CAMTA1: variants seen among roughly 807,000 people sequenced by gnomAD.
CAMTA1 encodes the protein calmodulin-binding transcription activator 1.
Under a neutral mutation model 170.9 loss-of-function variants are expected in CAMTA1, and 27 were observed. That is an observed-to-expected ratio of 0.16 (90% CI 0.12 to 0.22). CAMTA1 has a LOEUF of 0.22. Ranked by LOEUF, CAMTA1 falls within the 10% of genes least tolerant of loss-of-function variation. The pLI is 1.00. For missense variants in CAMTA1, 1,619 were observed against 2,217.2 expected (o/e 0.73, Z 5.42); for synonymous variants, 833 against 891.5 (o/e 0.93, Z 1.17).
chr1:6,833,421 A>G (rs1280807873), intron 3 of CAMTA1, among the ~76,000 whole-genome samples: 1 of 152,244 alleles, frequency 6.6e-6, no homozygotes, highest in Non-Finnish European at 1.5e-5. Context: ...GCATTACATA[A>G]AAAGAAAATA....
chr1:6,839,876 T>C (rs1332782386), intron 3 of CAMTA1, among the ~76,000 whole-genome samples: 1 of 152,166 alleles, frequency 6.6e-6, no homozygotes, highest in Non-Finnish European at 1.5e-5. Flanking sequence ...AGGTAAGGGC[T>C]AGATCTTGTT....
rs939268449 is a variant in CAMTA1, at chr1:7,592,835, G to C, written c.511-47565G>C. On this transcript the variant is annotated intron_variant, in intron 6 of 22. Coordinates refer to ENST00000303635, the MANE Select transcript of CAMTA1 (RefSeq NM_015215.4). The surrounding 1 kb of genome is among the most constrained non-coding windows in gnomAD (Gnocchi z 4.6). ...CTCTATAACAGTAACAACAGTAATA[G>C]CTATGGCCATGTGTTAAACATTAGG... Among the ~76,000 whole-genome samples the C allele has an allele frequency of 6.6e-6, 1 of 152,164 alleles. No individual in the cohort carries two copies. The highest frequency in any genetic ancestry group is 1.5e-5 in the Non-Finnish European group (1 of 68,034).
chr1:6,889,794 G>A (rs1245712145), intron 3 of CAMTA1, among the ~76,000 whole-genome samples: 1 of 152,254 alleles, frequency 6.6e-6, no homozygotes, highest in South Asian at 2.1e-4. Context: ...AGGAGCACAT[G>A]CATCACTCTT....
chr1:7,728,907 C>T lies in CAMTA1; in HGVS notation c.2915-3541C>T, dbSNP rs563863359. Reference sequence around the variant, plus strand: ...GAGAACGGCCGTGTGCAGGTTACCCCACACAGTGTGTATTCAGAGTTACCT... The same window carrying T: ...GAGAACGGCCGTGTGCAGGTTACCCTACACAGTGTGTATTCAGAGTTACCT... On this transcript the variant is annotated intron_variant, in intron 11 of 22. Transcript: ENST00000303635. 1.8e-4 allele frequency among the ~76,000 whole-genome samples: 28 copies of T among 152,254 alleles called. 1 individual carries two copies. Among genetic ancestry groups the T allele is most frequent in the African/African-American group, 6.5e-4 (27 of 41,540 alleles).
chr1:6,820,429 C>G (rs544322283), intron 2 of CAMTA1, among the ~76,000 whole-genome samples, 179 bp downstream of exon 2: 4 of 152,290 alleles, frequency 2.6e-5, no homozygotes, highest in African/African-American at 9.6e-5. Flanking sequence ...AAAAAGAATG[C>G]TCTCCTCATA....
chr1:7,632,615 G>A (rs537898473), intron 6 of CAMTA1, among the ~76,000 whole-genome samples: 64 of 152,380 alleles, frequency 4.2e-4, no homozygotes, highest in African/African-American at 1.5e-3. Flanking sequence ...TTACTCCACA[G>A]AAAGGGGTCC....
intron 6 of CAMTA1, among the ~76,000 whole-genome samples, chr1:7,584,035 G>A (rs1205072198): frequency 4.6e-5 from 7 of 152,164 alleles, no homozygotes; most frequent in South Asian, 2.1e-4. Context: ...GGGGTGTCAC[G>A]GACATTCTGA....
At chr1:7,573,145 G>T (rs188556648) in intron 6 of CAMTA1, among the ~76,000 whole-genome samples, 91 of 152,344 alleles carry the variant, frequency 6.0e-4, no homozygotes, top group African/African-American at 1.9e-3. Context: ...AACAGGGTTA[G>T]CATGCTAAGG....
chr1:7,333,704 G>A lies in CAMTA1; in HGVS notation c.438+84078G>A, dbSNP rs2149759897. ...TCCAATAAGCATCCCGGTGATCTGT[G>A]TGCCTTGCAGGGGCGTGGAGCCTGG... On this transcript the variant is annotated intron_variant, in intron 5 of 22. Transcript: ENST00000303635. This position sits in a 1 kb window ranked among gnomAD's most constrained non-coding sequence, Gnocchi z 4.4. 6.6e-6 allele frequency among the ~76,000 whole-genome samples: 1 copy of A among 152,322 alleles called. No individual in the cohort carries two copies. The highest frequency in any genetic ancestry group is 1.9e-4 in the East Asian group (1 of 5,188).
At position 7,634,516 on chromosome 1, in the gene CAMTA1, G is replaced by A. The variant is rs901856431; in HGVS notation, c.511-5884G>A. Reference sequence around the variant, plus strand: ...GTAGGCTGGAGAGGGAAATCTGGGTGTCCTGGGAATCTGGTGGGTGTGAGG... The same window carrying A: ...GTAGGCTGGAGAGGGAAATCTGGGTATCCTGGGAATCTGGTGGGTGTGAGG... On this transcript the variant is annotated intron_variant, in intron 6 of 22. Coordinates refer to ENST00000303635, the MANE Select transcript of CAMTA1 (RefSeq NM_015215.4). The surrounding 1 kb of genome is among the most constrained non-coding windows in gnomAD (Gnocchi z 6.2). Among the ~76,000 whole-genome samples, 1 of 152,102 alleles carries A rather than the reference G, an allele frequency of 6.6e-6. No individual in the cohort carries two copies. The highest frequency in any genetic ancestry group is 2.4e-5 in the African/African-American group (1 of 41,408).
intron 4 of CAMTA1, among the ~76,000 whole-genome samples, chr1:7,123,654 G>T (rs534680153): frequency 6.6e-6 from 1 of 152,158 alleles, no homozygotes; most frequent in African/African-American, 2.4e-5. Flanking sequence ...TAGTACCTTG[G>T]CCCCTCTGAG....
intron 6 of CAMTA1, among the ~76,000 whole-genome samples, chr1:7,507,341 G>A (rs2094135084): frequency 6.6e-6 from 1 of 152,100 alleles, no homozygotes; most frequent in African/African-American, 2.4e-5. Flanking sequence ...CCTCCTGGCT[G>A]CTCTGATGTG....
intron 6 of CAMTA1, among the ~76,000 whole-genome samples, chr1:7,620,871 G>A (rs961648374): frequency 3.9e-5 from 6 of 152,204 alleles, no homozygotes; most frequent in Admixed American, 1.3e-4. Flanking sequence ...GGTTTAGCTC[G>A]AGAAATTGAA....
chr1:7,768,194 A>G lies in CAMTA1; in HGVS notation c.*1703A>G, dbSNP rs909536951. The G allele has an allele frequency of 1.5e-4, 20 of 135,378 alleles. No individual in the cohort carries two copies. The highest frequency in any genetic ancestry group is 6.7e-4 in the Admixed American group (8 of 11,972). 8.4% of individuals were successfully genotyped at this position (135,378 alleles called of 1,614,324 possible). On this transcript the variant is annotated 3_prime_UTR_variant, in exon 23 of 23. Transcript: ENST00000303635. ...CACGTTTCCATATCTCCTGCTGGAA[A>G]TCAGAAAATATAATAAAATTGCACA...
intron 5 of CAMTA1, among the ~76,000 whole-genome samples, chr1:7,433,910 G>A (rs2092262611): frequency 6.6e-6 from 1 of 152,108 alleles, no homozygotes; most frequent in Non-Finnish European, 1.5e-5. Context: ...AGCCCCACAA[G>A]CCAGCAGCAC....
intron 4 of CAMTA1, among the ~76,000 whole-genome samples, chr1:7,163,305 A>G (rs1050960095): frequency 3.0e-5 from 3 of 98,836 alleles, no homozygotes; most frequent in Non-Finnish European, 1.9e-5. Context: ...GTGGGGGGAA[A>G]GGTCACTGGA....
intron 3 of CAMTA1, among the ~76,000 whole-genome samples, chr1:7,062,673 C>T (rs1336312160): frequency 2.6e-5 from 4 of 152,032 alleles, no homozygotes; most frequent in Admixed American, 2.0e-4. Context: ...TGCCGTCTGC[C>T]TCAGCCATGA....
intron 3 of CAMTA1, among the ~76,000 whole-genome samples, chr1:6,980,304 G>A (rs984142020): frequency 2.6e-5 from 4 of 152,226 alleles, no homozygotes; most frequent in Admixed American, 6.5e-5. Flanking sequence ...CCTTAGGCCC[G>A]GGGCTCCTCT....
chr1:7,475,143 T>A (rs1446155979), intron 6 of CAMTA1, among the ~76,000 whole-genome samples: 4 of 152,244 alleles, frequency 2.6e-5, no homozygotes, highest in Non-Finnish European at 5.9e-5. Flanking sequence ...TTTAAAAATC[T>A]TTCTTAAAAT....
Sources: allele counts gnomAD v4.1 joint callset (sites outside exome capture counted in the v4.1 genomes callset), GRCh38; gene constraint gnomAD v4.1.1; non-coding constraint Gnocchi (gnomAD v3.1); transcripts MANE v1.5; gene names NCBI Gene and HGNC (gene_info 2026-07-23, HGNC 2026-07-21).